Variants in ZNF180 observed in about 807,000 individuals in gnomAD.
ZNF180 encodes the protein zinc finger protein 180.
Under a neutral mutation model 11.8 loss-of-function variants are expected in ZNF180, and 11 were observed. The ratio of observed to expected loss-of-function variants is 0.93; its 90% CI spans 0.59 to 1.55. ZNF180 has a LOEUF of 1.55. Ranked by LOEUF, ZNF180 falls within the 40% of genes most tolerant of loss-of-function variation. ZNF180 has a pLI of 0.00. For missense variants in ZNF180, 773 were observed against 781.7 expected, an observed-to-expected ratio of 0.99 and a Z score of 0.13; for synonymous variants, 287 against 257.7, an observed-to-expected ratio of 1.11 and a Z score of -1.09.
At chr19:44,488,053 G>A (rs1217460511) in intron 2 of ZNF180, among the ~76,000 whole-genome samples, 1 of 142,594 alleles carries the variant, frequency 7.0e-6, no homozygotes, top group African/African-American at 2.6e-5. Context: ...TGACGCCCTC[G>A]CCCTCGCCCT....
chr19:44,499,710 G>A (rs1272851046), intron 1 of ZNF180, among the ~76,000 whole-genome samples: 2 of 152,124 alleles, frequency 1.3e-5, no homozygotes, highest in African/African-American at 4.8e-5. Flanking sequence ...TGCCTCTTCT[G>A]GCACAAGAAT....
At chr19:44,489,252 T>C (rs1298174054) in intron 2 of ZNF180, among the ~76,000 whole-genome samples, 2 of 137,180 alleles carry the variant, frequency 1.5e-5, no homozygotes, top group Non-Finnish European at 3.2e-5. Context: ...CAACAGCTCA[T>C]TGAGAACGGG....
rs1003709564 is a variant in ZNF180 at position 44,475,297 on chromosome 19, T to C, written c.*1105A>G. On this transcript the variant is annotated 3_prime_UTR_variant, in exon 5 of 5. Coordinates refer to ENST00000592529, the MANE Select transcript of ZNF180 (RefSeq NM_001278509.3). ...CAGAGGACTCTCACATCAGGGAACA[T>C]ATCCCAGAGGAAAGAGACAATGCTA... is the stretch of plus-strand genomic sequence containing the variant. The C allele has an allele frequency of 2.0e-5, 3 of 152,218 alleles. No homozygotes were observed. The highest frequency in any genetic ancestry group is 7.2e-5 in the African/African-American group (3 of 41,434). 9.4% of individuals were successfully genotyped at this position (152,218 alleles called of 1,614,324 possible). A position where few individuals can be genotyped will look rare whatever the true frequency, so the allele number is the denominator to read the frequency against.
intron 2 of ZNF180, among the ~76,000 whole-genome samples, chr19:44,493,607 T>C (rs1008493146): frequency 2.6e-5 from 4 of 152,194 alleles, no homozygotes; most frequent in African/African-American, 9.7e-5. Flanking sequence ...ATTCATGCCT[T>C]TGTGTAGTCC....
chr19:44,487,602 A>G (rs1445764428), intron 2 of ZNF180, among the ~76,000 whole-genome samples: 1 of 152,250 alleles, frequency 6.6e-6, no homozygotes, highest in East Asian at 1.9e-4. Context: ...AAACTCATGA[A>G]TAATCCACCC....
chr19:44,480,154 TG>T (rs1444517674), intron 3 of ZNF180, among the ~76,000 whole-genome samples: 6 of 152,224 alleles, frequency 3.9e-5, no homozygotes, highest in Admixed American at 6.5e-5. Context: ...TTGCCCAGGC[TG>T]GAGTACAGTG....
rs780390404 is a variant in ZNF180 at position 44,477,092 on chromosome 19, C to T, written c.1308G>A (p.Lys436=). 1.5e-5 allele frequency: 25 copies of T among 1,613,664 alleles called. No individual in the cohort carries two copies. Among genetic ancestry groups the T allele is most frequent in the Non-Finnish European group, 1.9e-5 (23 of 1,179,858 alleles). ...IAHQRTHTGE[K]PYECNQCGKS... ...TCCCACATTGATTACATTCATAGGG[C>T]TTCTCTCCGGTATGTGTTCTTTGAT... Residue 436 remains lysine, a synonymous_variant, in exon 5 of 5, where the codon AAG becomes AAA. Transcript: ENST00000592529.
intron 4 of ZNF180, 109 bp downstream of exon 4, chr19:44,479,174 T>C: frequency 7.4e-7 from 1 of 1,356,634 alleles, no homozygotes; most frequent in Non-Finnish European, 1.0e-6. Flanking sequence ...AAACACAATC[T>C]AGATGCAGCC....
intron 2 of ZNF180, among the ~76,000 whole-genome samples, chr19:44,487,026 G>C (rs1488543606): frequency 2.6e-5 from 4 of 151,990 alleles, no homozygotes; most frequent in Non-Finnish European, 4.4e-5. Context: ...CTGGGCAAGA[G>C]AGTGAGACTC....
chr19:44,479,205 A>G, intron 4 of ZNF180, 78 bp downstream of exon 4: 3 of 1,529,512 alleles, frequency 2.0e-6, no homozygotes, highest in Non-Finnish European at 2.6e-6. Flanking sequence ...TGGCTGCTGA[A>G]TTTCACAGTT....
intron 3 of ZNF180, 102 bp from the exon 4 acceptor site, chr19:44,479,511 T>G: frequency 1.3e-6 from 2 of 1,517,660 alleles, no homozygotes; most frequent in South Asian, 2.3e-5. Context: ...ATTGGTGACC[T>G]GGGAGTTGTC....
chr19:44,477,609 T>C lies in ZNF180; in HGVS notation c.791A>G (p.His264Arg), dbSNP rs1969952699. 6.2e-7 allele frequency: 1 copy of C among 1,613,964 alleles called. No homozygotes were observed. ...SFCHGTPLHIHEKIHGGGKTF... is the reference protein window; with the variant it reads ...SFCHGTPLHIREKIHGGGKTF... ...TTTTCCTCCTCCATGAATTTTTTCA[T>C]GTATATGTAGGGGTGTACCATGGCA... Residue 264 changes from histidine (H) to arginine (R), a missense_variant, in exon 5 of 5, where the codon CAT (histidine) becomes CGT (arginine). Physicochemically the swap from His to Arg is conservative, Grantham distance 29. Coordinates refer to ENST00000592529, the MANE Select transcript of ZNF180 (RefSeq NM_001278509.3).
At chr19:44,497,819 G>T (rs1970631586) in intron 1 of ZNF180, among the ~76,000 whole-genome samples, 1 of 152,036 alleles carries the variant, frequency 6.6e-6, no homozygotes, top group South Asian at 2.1e-4. Context: ...TCTTCCTAGG[G>T]CCAGAATCAC....
chr19:44,483,787 C>A (rs899709938), intron 3 of ZNF180, among the ~76,000 whole-genome samples: 4 of 152,114 alleles, frequency 2.6e-5, no homozygotes, highest in Non-Finnish European at 4.4e-5. Flanking sequence ...TATAGTTTCT[C>A]TCTTGTTGCC....
At chr19:44,478,501 T>G (rs528376894) in intron 4 of ZNF180, among the ~76,000 whole-genome samples, 48 of 152,368 alleles carry the variant, frequency 3.2e-4, no homozygotes, top group Admixed American at 2.3e-3. Context: ...TTCCACTCTT[T>G]AGTGCTACAC....
Position 44,476,423 on chromosome 19 carries a change from C to T in ZNF180, c.1977G>A (p.Glu659=). Residue 659 remains glutamate (E), a synonymous_variant, in exon 5 of 5, where the codon GAG becomes GAA. Coordinates refer to ENST00000592529, the MANE Select transcript of ZNF180 (RefSeq NM_001278509.3). The part of the protein sequence containing the change: ...LIRHQATHTE[E]KLYECN ...CAAACTAGTTACATTCATAGAGTTT[C>T]TCTTCAGTATGAGTTGCCTGATGCC... The T allele has an allele frequency of 6.3e-7, 1 of 1,591,772 alleles. No individual in the cohort carries two copies. Among genetic ancestry groups the T allele is most frequent in the Non-Finnish European group, 8.6e-7 (1 of 1,168,970 alleles).
chr19:44,484,189 G>A (rs1033741307), intron 3 of ZNF180, among the ~76,000 whole-genome samples, 172 bp downstream of exon 3: 2 of 151,830 alleles, frequency 1.3e-5, no homozygotes, highest in East Asian at 1.9e-4. Flanking sequence ...TAGTAGAGAC[G>A]GGGTTTCACC....
chr19:44,497,355 G>C lies in ZNF180; in HGVS notation c.-21C>G. ...TCCATGCTCTCCTCCAGGCACAGCAGGGTGCTGAGGTCCTGAGCTGCACTG... is the reference window on the plus strand; with the variant it reads ...TCCATGCTCTCCTCCAGGCACAGCACGGTGCTGAGGTCCTGAGCTGCACTG... On this transcript the variant is annotated 5_prime_UTR_variant, in exon 2 of 5. Coordinates refer to ENST00000592529, the MANE Select transcript of ZNF180 (RefSeq NM_001278509.3). The C allele has an allele frequency of 1.3e-6, 2 of 1,596,570 alleles. No individual in the cohort carries two copies. The highest frequency in any genetic ancestry group is 1.7e-6 in the Non-Finnish European group (2 of 1,174,484).
intron 1 of ZNF180, among the ~76,000 whole-genome samples, chr19:44,497,923 C>G (rs1448025369): frequency 6.6e-6 from 1 of 152,170 alleles, no homozygotes; most frequent in Non-Finnish European, 1.5e-5. Flanking sequence ...TTCCATCAGC[C>G]AGACCTGTCC....
Sources: allele counts gnomAD v4.1 joint callset (sites outside exome capture counted in the v4.1 genomes callset), GRCh38; gene constraint gnomAD v4.1.1; transcripts MANE v1.5; gene names NCBI Gene and HGNC (gene_info 2026-07-23, HGNC 2026-07-21).